STK32B: variants seen among roughly 807,000 people sequenced by gnomAD.
STK32B encodes serine/threonine-protein kinase 32B.
In STK32B, 43 loss-of-function variants were observed where a neutral mutation model predicts 52.6. The ratio of observed to expected loss-of-function variants is 0.82; its 90% CI spans 0.64 to 1.05. The LOEUF (loss-of-function observed/expected upper bound fraction) is 1.05. Among genes scored for constraint, STK32B ranks in the 50% least tolerant of loss-of-function variants. STK32B has a pLI of 0.00. For synonymous variants in STK32B, 238 were observed against 204.3 expected (o/e 1.17, Z -1.41); for missense variants, 621 against 534.6 (o/e 1.16, Z -1.59).
At chr4:5,024,196 G>C in the STK32B span, among the ~76,000 whole-genome samples, 38,236 of 152,126 alleles carry the variant, frequency 0.25, 5,199 homozygotes, top group Middle Eastern at 0.32. Context: ...TACTGTGATG[G>C]TATTTGTAGA....
At chr4:5,050,071 T>C (rs1741704305), upstream of STK32B, among the ~76,000 whole-genome samples, 1 of 152,186 alleles carries the variant, frequency 6.6e-6, no homozygotes, top group Admixed American at 6.5e-5. Flanking sequence ...CCCATGCCTG[T>C]CCACATTCCG....
At chr4:5,061,353 T>C (rs1467620769) in intron 1 of STK32B, among the ~76,000 whole-genome samples, 3 of 152,224 alleles carry the variant, frequency 2.0e-5, no homozygotes, top group Non-Finnish European at 4.4e-5. Flanking sequence ...GCTTTCAAAT[T>C]CCTGCTGAAA....
the STK32B span, among the ~76,000 whole-genome samples, chr4:5,042,424 C>G: frequency 6.6e-6 from 1 of 152,242 alleles, no homozygotes; most frequent in African/African-American, 2.4e-5. Context: ...GAGCTGACTT[C>G]ATCTGGAGCA....
intron 3 of STK32B, among the ~76,000 whole-genome samples, chr4:5,171,607 C>T (rs1297218682): frequency 6.6e-6 from 1 of 151,516 alleles, no homozygotes; most frequent in East Asian, 1.9e-4. Context: ...TGTCAGAGAT[C>T]AGATAGTTGT....
chr4:5,436,510 C>A, intron 6 of STK32B: 1 of 825,400 alleles, frequency 1.2e-6, no homozygotes, highest in Non-Finnish European at 1.5e-6. Context: ...TGTCAGAAAA[C>A]TGACTCTCTG....
chr4:5,418,420 T>C (rs1712339427), intron 6 of STK32B, among the ~76,000 whole-genome samples: 1 of 152,230 alleles, frequency 6.6e-6, no homozygotes, highest in Non-Finnish European at 1.5e-5. Context: ...AAGAAATACA[T>C]GTTTAAGGCT....
At chr4:5,153,467 C>CA (rs1717538905) in intron 2 of STK32B, among the ~76,000 whole-genome samples, 2 of 142,292 alleles carry the variant, frequency 1.4e-5, no homozygotes, top group African/African-American at 5.1e-5. Flanking sequence ...TTTTTCTTTC[C>CA]TTTTTTTTTT....
At chr4:5,440,314 C>T (rs1018690461) in intron 6 of STK32B, among the ~76,000 whole-genome samples, 2 of 152,162 alleles carry the variant, frequency 1.3e-5, no homozygotes, top group Non-Finnish European at 2.9e-5. Flanking sequence ...TGAAGAGGTC[C>T]TACACATCCC....
chr4:5,037,190 G>A, the STK32B span, among the ~76,000 whole-genome samples: 3 of 152,116 alleles, frequency 2.0e-5, no homozygotes, highest in African/African-American at 4.8e-5. Flanking sequence ...ACCACTTCAC[G>A]CCATCCTAGT....
chr4:5,134,720 A>G (rs768564050), intron 1 of STK32B, among the ~76,000 whole-genome samples: 1 of 152,222 alleles, frequency 6.6e-6, no homozygotes, highest in Non-Finnish European at 1.5e-5. Flanking sequence ...TGTGCCCAGC[A>G]CCAACTCTGC....
chr4:5,255,932 A>T (rs559754328), intron 3 of STK32B, among the ~76,000 whole-genome samples: 1 of 152,298 alleles, frequency 6.6e-6, no homozygotes, highest in East Asian at 1.9e-4. Flanking sequence ...TGAGTATTTT[A>T]TACCTCATAA....
chr4:5,480,325 T>A (rs184113807), intron 11 of STK32B, among the ~76,000 whole-genome samples: 6 of 152,316 alleles, frequency 3.9e-5, no homozygotes, highest in Admixed American at 3.3e-4. Context: ...AGAACATATA[T>A]GTGCCCAAGG....
chr4:5,244,409 G>A (rs557635626), intron 3 of STK32B, among the ~76,000 whole-genome samples: 1 of 152,244 alleles, frequency 6.6e-6, no homozygotes, highest in East Asian at 1.9e-4. Context: ...ATTTCTGTGG[G>A]ATTGGTGGTG....
At chr4:5,240,300 C>A (rs1356052763) in intron 3 of STK32B, among the ~76,000 whole-genome samples, 4 of 151,398 alleles carry the variant, frequency 2.6e-5, no homozygotes, top group African/African-American at 9.7e-5. Flanking sequence ...TTTTTTTCTG[C>A]TTTTTTCACT....
chr4:5,344,066 C>T (rs532448740), intron 4 of STK32B, among the ~76,000 whole-genome samples: 4 of 152,310 alleles, frequency 2.6e-5, no homozygotes, highest in South Asian at 4.1e-4. Flanking sequence ...TTGCATCCAT[C>T]AGTTTGGGGA....
At chr4:5,127,179 A>G (rs1005607953) in intron 1 of STK32B, 6 of 478,398 alleles carry the variant, frequency 1.3e-5, no homozygotes, top group African/African-American at 3.9e-5. Flanking sequence ...TCCGTTAAAC[A>G]TAAGCAAACA....
chr4:5,066,359 T>A (rs1406908377), intron 1 of STK32B, among the ~76,000 whole-genome samples: 1 of 152,160 alleles, frequency 6.6e-6, no homozygotes, highest in African/African-American at 2.4e-5. Flanking sequence ...TCATGTGGAC[T>A]CTCCTGGGCT....
chr4:5,193,172 C>G (rs1721366684), intron 3 of STK32B, among the ~76,000 whole-genome samples: 2 of 152,104 alleles, frequency 1.3e-5, no homozygotes, highest in African/African-American at 4.8e-5. Context: ...TCCTCTCGTG[C>G]CTCCTGAGCT....
At chr4:5,156,133 C>T (rs1037903663) in intron 2 of STK32B, among the ~76,000 whole-genome samples, 2 of 151,450 alleles carry the variant, frequency 1.3e-5, no homozygotes, top group South Asian at 2.1e-4. Context: ...TACACATATA[C>T]ATATACACAC....
Sources: gnomAD v4.1 joint callset for allele counts (sites outside exome capture counted in the v4.1 genomes callset) on GRCh38, gnomAD v4.1.1 for gene constraint, MANE v1.5 for transcripts, NCBI Gene and HGNC (gene_info 2026-07-23, HGNC 2026-07-21) for gene names.